CACNA1H: variants seen among roughly 807,000 people sequenced by gnomAD.
The protein encoded by CACNA1H is calcium voltage-gated channel subunit alpha1 H.
A neutral mutation model predicts 192.5 loss-of-function variants in CACNA1H; 149 were observed. The ratio of observed to expected loss-of-function variants is 0.77; its 90% confidence interval spans 0.68 to 0.89. The LOEUF is 0.89. Among genes scored for constraint, CACNA1H ranks in the 40% least tolerant of loss-of-function variants. The pLI is 0.00. For synonymous variants in CACNA1H, 2,202 were observed against 1,475.2 expected (o/e 1.49, Z -11.29); for missense variants, 4,257 against 3,423.5 (o/e 1.24, Z -6.08).
chr16:1,200,233 G>T, intron 6 of CACNA1H, 23 bp from the exon 7 acceptor site: 1 of 1,570,026 alleles, frequency 6.4e-7, no homozygotes. Context: ...GTACCTTTTG[G>T]CCCTGGCTGT....
chr16:1,200,443 G>T lies in CACNA1H; in HGVS notation c.991G>T (p.Gly331Cys). ...CACGCAGCCGCAGGCCGAGGGGGTG[G>T]GCGCTGCACGCAACGCCTGCATCAA... ...AYTQPQAEGV[G>C]AARNACINWN... The change falls in exon 7 of 35, where the codon GGC (glycine) becomes TGC (cysteine). Residue 331 changes from glycine to cysteine, a missense_variant. Physicochemically the swap from Gly to Cys is radical, Grantham distance 159. Transcript: ENST00000348261. 1 of 1,611,144 alleles carries T rather than the reference G, an allele frequency of 6.2e-7. No homozygotes were observed. Among genetic ancestry groups the T allele is most frequent in the Non-Finnish European group, 8.5e-7 (1 of 1,179,570 alleles).
chr16:1,216,327 T>C (rs1415821395), intron 30 of CACNA1H, among the ~76,000 whole-genome samples: 1 of 152,228 alleles, frequency 6.6e-6, no homozygotes, highest in Non-Finnish European at 1.5e-5. Flanking sequence ...CAGGTACCAC[T>C]CCACCAGGTG....
At chr16:1,156,223 C>T (rs1962364893) in intron 2 of CACNA1H, among the ~76,000 whole-genome samples, 3 of 152,208 alleles carry the variant, frequency 2.0e-5, no homozygotes, top group Admixed American at 2.0e-4. Context: ...GGGGTGTCCC[C>T]ACTCCAGGAG....
chr16:1,209,297 C>CGGA lies in CACNA1H; in HGVS notation c.3630_3631insGAG (p.Pro1210_Pro1211insGlu), dbSNP rs1716113577. The stretch of plus-strand genomic sequence containing the variant: ...CGGCCCCTGCGGCCGGCCGCCCTCC[C>CGGA]GCCTACCAAGTGCCGCGATCGCGAC... On this transcript the variant is annotated inframe_insertion, in exon 17 of 35. Coordinates refer to ENST00000348261, the MANE Select transcript of CACNA1H (RefSeq NM_021098.3). 6.3e-7 allele frequency: 1 copy of CGGA among 1,588,818 alleles called. No individual in the cohort carries two copies. Among genetic ancestry groups the CGGA allele is most frequent in the Non-Finnish European group, 8.5e-7 (1 of 1,174,566 alleles).
At chr16:1,193,869 C>A (rs148131084) in intron 2 of CACNA1H, among the ~76,000 whole-genome samples, 8 of 152,042 alleles carry the variant, frequency 5.3e-5, no homozygotes, top group Admixed American at 3.9e-4. Flanking sequence ...AGGGAAGGCC[C>A]TCGTCACCAA....
chr16:1,198,951 C>T (rs1967350963), intron 6 of CACNA1H, 177 bp downstream of exon 6: 2 of 618,398 alleles, frequency 3.2e-6, no homozygotes, highest in Non-Finnish European at 5.6e-6. Context: ...CCCCACCCCC[C>T]ATCATGGCTC....
chr16:1,200,157 C>G (rs1289343463), intron 6 of CACNA1H, 99 bp from the exon 7 acceptor site: 1 of 964,502 alleles, frequency 1.0e-6, no homozygotes, highest in Non-Finnish European at 1.5e-6. Context: ...CTGATCACGT[C>G]CCTGACCTTG....
rs776023990 is a variant in CACNA1H, at chr16:1,211,566, G to T, written c.4436G>T (p.Arg1479Leu). The change falls in exon 23 of 35, where the codon CGC becomes CTC. Residue 1479 changes from arginine to leucine, a missense_variant. By Grantham distance (102) the Arg-to-Leu change is moderately radical. Transcript: ENST00000348261. ...TKAQCRAAHY[R>L]WVRRKYNFDN... is the part of the protein sequence containing the mutation. ...GCACAGTGCCGGGCCGCCCACTACCGCTGGGTGCGACGCAAGTACAACTTC... is the reference window on the plus strand; with the variant it reads ...GCACAGTGCCGGGCCGCCCACTACCTCTGGGTGCGACGCAAGTACAACTTC... 3.7e-6 allele frequency: 6 copies of T among 1,611,334 alleles called. No individual in the cohort carries two copies. The highest frequency in any genetic ancestry group is 1.1e-5 in the South Asian group (1 of 90,918).
intron 2 of CACNA1H, among the ~76,000 whole-genome samples, chr16:1,156,198 C>T (rs1962357656): frequency 6.6e-6 from 1 of 152,200 alleles, no homozygotes; most frequent in Non-Finnish European, 1.5e-5. Flanking sequence ...CTCCCAGCTC[C>T]AAACGCAGTG....
At chr16:1,183,262 C>T (rs746570028) in intron 2 of CACNA1H, among the ~76,000 whole-genome samples, 11 of 152,152 alleles carry the variant, frequency 7.2e-5, no homozygotes, top group Non-Finnish European at 1.3e-4. Flanking sequence ...CGTCTGATGG[C>T]GCCGCGTTCC....
rs1217642342 is a variant in CACNA1H at position 1,177,014 on chromosome 16, A to C, written c.300-17958A>C. Among the ~76,000 whole-genome samples, 12 of 151,032 alleles carry C rather than the reference A, an allele frequency of 7.9e-5. No individual in the cohort carries two copies. The East Asian group carries it at 2.1e-3, about 27-fold the overall frequency. On this transcript the variant is annotated intron_variant, in intron 2 of 34. Coordinates refer to ENST00000348261, the MANE Select transcript of CACNA1H (RefSeq NM_021098.3). ...CGCTGGAAAAGGCCTGGGCAGCCTCACTCCCTCCCCCCAGGAGCTTCCCCC... is the reference window on the plus strand; with the variant it reads ...CGCTGGAAAAGGCCTGGGCAGCCTCCCTCCCTCCCCCCAGGAGCTTCCCCC...
chr16:1,170,709 A>T (rs761833413), intron 2 of CACNA1H, among the ~76,000 whole-genome samples: 2 of 151,922 alleles, frequency 1.3e-5, no homozygotes, highest in African/African-American at 4.8e-5. Flanking sequence ...TTTCGGGGTG[A>T]GGGAAGCTGG....
At chr16:1,219,837 C>G (rs989132934) in intron 34 of CACNA1H, 144 bp from the exon 35 acceptor site, 5 of 512,738 alleles carry the variant, frequency 9.8e-6, no homozygotes, top group East Asian at 7.0e-5. Flanking sequence ...GGCTTCCAGC[C>G]CCATCTCGAG....
At chr16:1,185,460 G>A (rs942069739) in intron 2 of CACNA1H, among the ~76,000 whole-genome samples, 1 of 151,320 alleles carries the variant, frequency 6.6e-6, no homozygotes, top group African/African-American at 2.4e-5. Context: ...GGTCCTGCCA[G>A]CGGCAGCCAG....
At position 1,215,793 on chromosome 16, in the gene CACNA1H, A is replaced by G. The variant is rs182789594; in HGVS notation, c.5244+200A>G. On this transcript the variant is annotated intron_variant, in intron 30 of 34. Transcript: ENST00000348261. ...ATCCAGCCGCTGCCCTCTGGCCTCA[A>G]TCCTCTGGGCAAGACTCATAACCGG... Among the ~76,000 whole-genome samples the G allele has an allele frequency of 2.8e-3, 425 of 152,212 alleles. 2 individuals are homozygous for G. Among genetic ancestry groups the G allele is most frequent in the African/African-American group, 9.8e-3 (409 of 41,526 alleles).
intron 5 of CACNA1H, among the ~76,000 whole-genome samples, chr16:1,197,674 G>A (rs996182205): frequency 9.8e-5 from 15 of 152,286 alleles, no homozygotes; most frequent in African/African-American, 3.1e-4. Context: ...TGCTCCGGTC[G>A]GCTCTTTTGA....
rs537768461 is a variant in CACNA1H, at chr16:1,172,399, G to A, written c.299+18363G>A. ...CGCCGTCCCTAGGCTGCCCCCAGGCGTCCTCCCCTCTTAGACGGTGGCAGC... is the reference window on the plus strand; with the variant it reads ...CGCCGTCCCTAGGCTGCCCCCAGGCATCCTCCCCTCTTAGACGGTGGCAGC... On this transcript the variant is annotated intron_variant, in intron 2 of 34. Coordinates refer to ENST00000348261, the MANE Select transcript of CACNA1H (RefSeq NM_021098.3). 4.7e-4 allele frequency among the ~76,000 whole-genome samples: 72 copies of A among 152,164 alleles called. 1 individual carries two copies. The South Asian group carries it at 0.013, about 29-fold the overall frequency.
At chr16:1,196,296 C>T (rs537335565) in intron 5 of CACNA1H, among the ~76,000 whole-genome samples, 4 of 152,272 alleles carry the variant, frequency 2.6e-5, no homozygotes, top group South Asian at 2.1e-4. Flanking sequence ...CCACTCCGAA[C>T]CTCCGGTTCC....
intron 26 of CACNA1H, among the ~76,000 whole-genome samples, chr16:1,213,422 G>T (rs969358376): frequency 2.0e-5 from 3 of 152,046 alleles, no homozygotes; most frequent in Non-Finnish European, 4.4e-5. Flanking sequence ...TTGGGATGTG[G>T]GGGAGCCATC....
Sources: gnomAD v4.1 joint callset for allele counts (sites outside exome capture counted in the v4.1 genomes callset) on GRCh38, gnomAD v4.1.1 for gene constraint, MANE v1.5 for transcripts, NCBI Gene and HGNC (gene_info 2026-07-23, HGNC 2026-07-21) for gene names.